FYB1: variants seen among roughly 807,000 people sequenced by gnomAD.
FYB1 encodes FYN binding protein 1, also known as FYN-binding protein 1.
FYB1 carries 41 observed loss-of-function variants against 94.1 expected under a neutral mutation model. That is an observed-to-expected ratio of 0.44 (90% CI 0.34 to 0.57). The LOEUF (loss-of-function observed/expected upper bound fraction) is 0.57, where lower values mean the gene tolerates loss of function less well. Among genes scored for constraint, FYB1 ranks in the 20% least tolerant of loss-of-function variants. The pLI is 0.02. For missense variants in FYB1, 1,050 were observed against 976.8 expected (o/e 1.07, Z -1.00); for synonymous variants, 367 against 353.2 (o/e 1.04, Z -0.44).
At chr5:39,230,846 C>T (rs530997924) in intron 1 of FYB1, among the ~76,000 whole-genome samples, 84 of 20,948 alleles carry the variant, frequency 4.0e-3, no homozygotes, top group African/African-American at 5.0e-3. Context: ...TCTCAGTATA[C>T]ACACACACAC....
chr5:39,198,109 T>A (rs1169256625), intron 2 of FYB1, among the ~76,000 whole-genome samples: 1 of 152,200 alleles, frequency 6.6e-6, no homozygotes. Flanking sequence ...TACTATTATA[T>A]GTCAAATTCT....
intron 1 of FYB1, among the ~76,000 whole-genome samples, chr5:39,259,568 A>G (rs1020108330): frequency 1.3e-5 from 2 of 152,246 alleles, no homozygotes; most frequent in Admixed American, 1.3e-4. Context: ...ATGAAATTCC[A>G]TAACACAGGA....
Position 39,201,923 on chromosome 5 carries a change from T to C in FYB1, c.1038A>G (p.Pro346=), listed in dbSNP as rs766386324. 6.2e-7 allele frequency: 1 copy of C among 1,613,998 alleles called. No homozygotes were observed. The highest frequency in any genetic ancestry group is 8.5e-7 in the Non-Finnish European group (1 of 1,179,880). Reference sequence around the variant, plus strand: ...GACCCAAGGTAAACAAGGGAGGCAATGGCTTCTGTTTCGGGGTGGCTGAAT... The same window carrying C: ...GACCCAAGGTAAACAAGGGAGGCAACGGCTTCTGTTTCGGGGTGGCTGAAT... ...DKNSATPKQK[P]LPPLFTLGPP... The change falls in exon 2 of 19, where the codon CCA becomes CCG. Residue 346 remains proline (P), a synonymous_variant. Coordinates refer to ENST00000512982, the MANE Select transcript of FYB1 (RefSeq NM_001465.6).
chr5:39,107,963 T>C (rs1354678757), intron 18 of FYB1, among the ~76,000 whole-genome samples: 4 of 152,122 alleles, frequency 2.6e-5, no homozygotes, highest in South Asian at 4.1e-4. Context: ...ATTCTTATTA[T>C]GAGTCACAGT....
chr5:39,147,388 C>T (rs1436530240), intron 3 of FYB1, among the ~76,000 whole-genome samples: 2 of 151,404 alleles, frequency 1.3e-5, no homozygotes, highest in African/African-American at 2.4e-5. Flanking sequence ...CCTACCACAG[C>T]CTCCCAAGTA....
chr5:39,243,401 C>A (rs1168701278), intron 1 of FYB1, among the ~76,000 whole-genome samples: 7 of 151,620 alleles, frequency 4.6e-5, no homozygotes, highest in Admixed American at 1.3e-4. Flanking sequence ...ATAGGGAATG[C>A]TTTCCCCATT....
At chr5:39,247,071 C>CATATATATATATAT (rs3085950) in intron 1 of FYB1, among the ~76,000 whole-genome samples, 4 of 65,606 alleles carry the variant, frequency 6.1e-5, no homozygotes, top group South Asian at 5.9e-4. Context: ...AATGCGTGTT[C>CATATATATATATAT]ATATATATAT....
At chr5:39,174,930 T>A (rs1294772700) in intron 2 of FYB1, among the ~76,000 whole-genome samples, 1 of 152,322 alleles carries the variant, frequency 6.6e-6, no homozygotes, top group South Asian at 2.1e-4. Context: ...GGGAGACCTC[T>A]TCTCCCATAG....
At chr5:39,111,604 A>T (rs1463211854) in intron 16 of FYB1, among the ~76,000 whole-genome samples, 1 of 151,928 alleles carries the variant, frequency 6.6e-6, no homozygotes, top group Non-Finnish European at 1.5e-5. Flanking sequence ...TTTTATCAAG[A>T]AGCTCACTAC....
intron 1 of FYB1, among the ~76,000 whole-genome samples, chr5:39,218,448 G>GA (rs1429887044): frequency 1.3e-5 from 2 of 152,192 alleles, no homozygotes; most frequent in Admixed American, 1.3e-4. Context: ...AGCATGGGCA[G>GA]AAAATCACAG....
intron 1 of FYB1, among the ~76,000 whole-genome samples, chr5:39,227,908 C>A (rs1750553042): frequency 6.6e-6 from 1 of 152,096 alleles, no homozygotes; most frequent in African/African-American, 2.4e-5. Flanking sequence ...ATAAGATTGA[C>A]CCAAAATGTT....
At chr5:39,248,898 G>T (rs763547068) in intron 1 of FYB1, among the ~76,000 whole-genome samples, 10 of 152,200 alleles carry the variant, frequency 6.6e-5, no homozygotes, top group Non-Finnish European at 1.0e-4. Flanking sequence ...TACCATTGGT[G>T]ACAGTCTAGC....
At chr5:39,270,735 A>G (rs1330728967) in intron 1 of FYB1, 2 of 528,494 alleles carry the variant, frequency 3.8e-6, no homozygotes, top group African/African-American at 3.8e-5. Flanking sequence ...TTTGCATGTT[A>G]TCTCAACCCT....
intron 1 of FYB1, among the ~76,000 whole-genome samples, chr5:39,273,754 A>G (rs189598288): frequency 5.9e-5 from 9 of 152,288 alleles, no homozygotes; most frequent in African/African-American, 2.2e-4. Flanking sequence ...TACTCACTGA[A>G]GGTGGTGGCT....
chr5:39,162,931 A>G (rs992385018), intron 2 of FYB1, among the ~76,000 whole-genome samples: 1 of 152,232 alleles, frequency 6.6e-6, no homozygotes, highest in Non-Finnish European at 1.5e-5. Flanking sequence ...TATAAAGAAT[A>G]TTAGAAGTAC....
At chr5:39,204,716 A>G (rs535602967) in intron 1 of FYB1, among the ~76,000 whole-genome samples, 1 of 152,326 alleles carries the variant, frequency 6.6e-6, no homozygotes, top group East Asian at 1.9e-4. Flanking sequence ...AATACTGTGC[A>G]TAGTGATTTT....
At chr5:39,203,444 C>T (rs1192008111) in intron 1 of FYB1, among the ~76,000 whole-genome samples, 2 of 151,952 alleles carry the variant, frequency 1.3e-5, no homozygotes, top group Non-Finnish European at 2.9e-5. Context: ...AGGCTGTGTG[C>T]TTCATACAGC....
intron 1 of FYB1, among the ~76,000 whole-genome samples, chr5:39,246,110 T>C (rs1280711833): frequency 6.6e-6 from 1 of 152,166 alleles, no homozygotes; most frequent in Non-Finnish European, 1.5e-5. Context: ...CTAGAGAGAA[T>C]AAGTGAAGTA....
intron 2 of FYB1, chr5:39,170,047 TC>T: frequency 3.7e-6 from 3 of 807,374 alleles, no homozygotes; most frequent in Non-Finnish European, 6.6e-6. Flanking sequence ...ATGAGAGGCC[TC>T]CACTGGTGTC....
Sources: allele counts gnomAD v4.1 joint callset (sites outside exome capture counted in the v4.1 genomes callset), GRCh38; gene constraint gnomAD v4.1.1; transcripts MANE v1.5; gene names NCBI Gene and HGNC (gene_info 2026-07-23, HGNC 2026-07-21).